LRCH1: variants seen among roughly 807,000 people sequenced by gnomAD.
The protein encoded by LRCH1 is leucine rich repeats and calponin homology domain containing 1.
In LRCH1, 23 loss-of-function variants were observed where a neutral mutation model predicts 94.9. The observed-to-expected ratio is 0.24, with a 90% CI of 0.17 to 0.34. LRCH1 has a LOEUF of 0.34. Among genes scored for constraint, LRCH1 ranks in the 10% least tolerant of loss-of-function variants. LRCH1 has a pLI of 1.00. For synonymous variants in LRCH1, 364 were observed against 354.9 expected (o/e 1.03, Z -0.29); for missense variants, 790 against 945.9 (o/e 0.84, Z 2.16).
chr13:46,577,817 G>A (rs1594257166), intron 1 of LRCH1, among the ~76,000 whole-genome samples: 1 of 152,210 alleles, frequency 6.6e-6, no homozygotes, highest in Non-Finnish European at 1.5e-5. Context: ...ATTTTGGACC[G>A]ATTTCCGGTG....
chr13:46,728,779 T>G, intron 17 of LRCH1, 68 bp from the exon 18 acceptor site: 1 of 1,439,688 alleles, frequency 6.9e-7, no homozygotes, highest in Non-Finnish European at 9.4e-7. Context: ...TAAATACCCA[T>G]AAATGTATTT....
intron 3 of LRCH1, among the ~76,000 whole-genome samples, chr13:46,678,075 C>T (rs575773532): frequency 3.9e-5 from 6 of 152,264 alleles, no homozygotes; most frequent in Admixed American, 1.3e-4. Flanking sequence ...TTACTAATTG[C>T]CGAAGTTGAG....
chr13:46,593,603 C>T lies in LRCH1; in HGVS notation c.307+39900C>T, dbSNP rs540928343. Among the ~76,000 whole-genome samples the T allele has an allele frequency of 5.3e-5, 8 of 152,148 alleles. No homozygotes were observed. The East Asian group carries it at 1.4e-3, about 26-fold the overall frequency. On this transcript the variant is annotated intron_variant, in intron 1 of 19. Coordinates refer to ENST00000389797, the MANE Select transcript of LRCH1 (RefSeq NM_001164211.2). ...TGAGTAAATTTGTTCTGTGTGTTGG[C>T]GAGAGTGGCTGCCTAGTTAACCGTG...
intron 16 of LRCH1, among the ~76,000 whole-genome samples, chr13:46,717,935 G>T (rs1463158649): frequency 6.6e-6 from 1 of 152,118 alleles, no homozygotes; most frequent in Non-Finnish European, 1.5e-5. Context: ...AGTTCTCAAA[G>T]TCCCCAAAGT....
At position 46,616,129 on chromosome 13, in the gene LRCH1, G is replaced by A. The variant is rs1450304675; in HGVS notation, c.308-34072G>A. Among the ~76,000 whole-genome samples, 12 of 152,308 alleles carry A rather than the reference G, an allele frequency of 7.9e-5. No homozygotes were observed. The South Asian group carries it at 8.3e-4, about 11-fold the overall frequency. On this transcript the variant is annotated intron_variant, in intron 1 of 19. Transcript: ENST00000389797. ...TGGGAAAAGAAAAATATCCTGGAGCGGGTTTAAGTTTCGCAGATAAGAAAA... is the reference window on the plus strand; with the variant it reads ...TGGGAAAAGAAAAATATCCTGGAGCAGGTTTAAGTTTCGCAGATAAGAAAA...
Position 46,744,642 on chromosome 13 carries a change from A to T in LRCH1, c.*2794A>T, listed in dbSNP as rs1873830793. On this transcript the variant is annotated 3_prime_UTR_variant, in exon 20 of 20. Coordinates refer to ENST00000389797, the MANE Select transcript of LRCH1 (RefSeq NM_001164211.2). ...CTGCTATTTGTTTGTAAGAAATTAA[A>T]ACTAGCGCGTGGTGAGCTGGGTTAT... is the stretch of plus-strand genomic sequence containing the variant. The T allele has an allele frequency of 7.1e-6, 7 of 985,436 alleles. No homozygotes were observed. The highest frequency in any genetic ancestry group is 8.4e-6 in the Non-Finnish European group (7 of 829,938). The allele number at this position is 985,436 out of a possible 1,614,324, so 61.0% of individuals were successfully genotyped here. A position where few individuals can be genotyped will look rare whatever the true frequency, so the allele number is the denominator to read the frequency against.
At position 46,605,699 on chromosome 13, in the gene LRCH1, A is replaced by G. The variant is rs554005494; in HGVS notation, c.308-44502A>G. On this transcript the variant is annotated intron_variant, in intron 1 of 19. Coordinates refer to ENST00000389797, the MANE Select transcript of LRCH1 (RefSeq NM_001164211.2). ...GAGAAGTTGGGTATTTCTTCATGAG[A>G]TAAATTCCTTAAGGAGAGATTTGAA... 1.4e-3 allele frequency among the ~76,000 whole-genome samples: 218 copies of G among 152,332 alleles called. No individual in the cohort carries two copies. In the Middle Eastern group the frequency reaches 0.02, roughly 14 times the overall value.
At position 46,615,432 on chromosome 13, in the gene LRCH1, C is replaced by T. The variant is rs111611091; in HGVS notation, c.308-34769C>T. 3.7e-3 allele frequency among the ~76,000 whole-genome samples: 564 copies of T among 152,256 alleles called. 3 individuals carry two copies. Among genetic ancestry groups the T allele is most frequent in the South Asian group, 0.02 (95 of 4,818 alleles). The stretch of plus-strand genomic sequence containing the variant: ...AGGACCAAGCCATTCATGAGTGATC[C>T]GTCCCTGTGACCCAAACGCCTCCCA... On this transcript the variant is annotated intron_variant, in intron 1 of 19. Transcript: ENST00000389797.
chr13:46,660,134 C>A (rs1225320024), intron 2 of LRCH1, among the ~76,000 whole-genome samples: 2 of 147,216 alleles, frequency 1.4e-5, no homozygotes, highest in Non-Finnish European at 3.0e-5. Context: ...GCCTCGGCCT[C>A]CCTAGTAGCT....
At chr13:46,715,852 C>T (rs1416072363) in intron 16 of LRCH1, among the ~76,000 whole-genome samples, 188 bp downstream of exon 16, 1 of 152,100 alleles carries the variant, frequency 6.6e-6, no homozygotes, top group African/African-American at 2.4e-5. Context: ...GTTTGTCAAA[C>T]TCCAGTTTAA....
At chr13:46,724,768 G>A (rs1020743970) in intron 17 of LRCH1, among the ~76,000 whole-genome samples, 1 of 152,208 alleles carries the variant, frequency 6.6e-6, no homozygotes, top group Non-Finnish European at 1.5e-5. Context: ...TCAGAAAGAA[G>A]TGTCATAACT....
intron 8 of LRCH1, among the ~76,000 whole-genome samples, chr13:46,694,518 G>A (rs767491467): frequency 1.3e-5 from 2 of 152,130 alleles, no homozygotes; most frequent in African/African-American, 2.4e-5. Flanking sequence ...CATAATACCT[G>A]CCATTTAGTA....
intron 1 of LRCH1, among the ~76,000 whole-genome samples, chr13:46,621,150 C>G (rs1027760203): frequency 6.6e-6 from 1 of 152,210 alleles, no homozygotes; most frequent in African/African-American, 2.4e-5. Context: ...ACATGCGTTC[C>G]GCTAGTGTCA....
chr13:46,697,110 A>G (rs1298594169), intron 9 of LRCH1, among the ~76,000 whole-genome samples: 1 of 152,174 alleles, frequency 6.6e-6, no homozygotes, highest in Non-Finnish European at 1.5e-5. Flanking sequence ...TGTTTTCTTT[A>G]CTGAATAAGC....
At chr13:46,711,345 A>G (rs1352427298) in intron 13 of LRCH1, among the ~76,000 whole-genome samples, 1 of 152,176 alleles carries the variant, frequency 6.6e-6, no homozygotes, top group Non-Finnish European at 1.5e-5. Flanking sequence ...TGAACTGACA[A>G]CATGAGATTT....
chr13:46,734,085 T>G, intron 19 of LRCH1, 87 bp downstream of exon 19: 2 of 595,466 alleles, frequency 3.4e-6, no homozygotes, highest in Non-Finnish European at 5.7e-6. Flanking sequence ...GATGCAAAGC[T>G]TTGTACATGC....
chr13:46,725,122 C>T (rs746879680), intron 17 of LRCH1, among the ~76,000 whole-genome samples: 4 of 152,164 alleles, frequency 2.6e-5, no homozygotes, highest in African/African-American at 7.2e-5. Context: ...CCAAATACCA[C>T]GTTCTCACTT....
chr13:46,750,478 C>A, intron 18 of LRCH1: 1 of 1,170,182 alleles, frequency 8.5e-7, no homozygotes, highest in Non-Finnish European at 1.2e-6. Flanking sequence ...AACGATGTAG[C>A]AGGATTTTAC....
At chr13:46,688,006 C>G in intron 6 of LRCH1, 27 bp downstream of exon 6, 2 of 1,588,122 alleles carry the variant, frequency 1.3e-6, no homozygotes, top group Non-Finnish European at 1.7e-6. Flanking sequence ...TTCAAAGCCC[C>G]AGTTTAAAAT....
Sources: allele counts gnomAD v4.1 joint callset (sites outside exome capture counted in the v4.1 genomes callset), GRCh38; gene constraint gnomAD v4.1.1; transcripts MANE v1.5; gene names NCBI Gene and HGNC (gene_info 2026-07-23, HGNC 2026-07-21).